TSHZ3: variants seen among roughly 807,000 people sequenced by gnomAD.
TSHZ3 encodes the protein teashirt zinc finger homeobox 3.
Under a neutral mutation model 64.5 loss-of-function variants are expected in TSHZ3, and 10 were observed. The ratio of observed to expected loss-of-function variants is 0.16; its 90% confidence interval spans 0.10 to 0.26. The LOEUF (loss-of-function observed/expected upper bound fraction) is 0.26, where lower values mean the gene tolerates loss of function less well. Ranked by LOEUF, TSHZ3 falls within the 10% of genes least tolerant of loss-of-function variation. The probability of loss-of-function intolerance (pLI) is 1.00; values close to 1 mark genes in which losing one functional copy is unlikely to be tolerated. For synonymous variants in TSHZ3, 608 were observed against 593.1 expected, an observed-to-expected ratio of 1.03 and a Z score of -0.36; for missense variants, 1,242 against 1,421.7, an observed-to-expected ratio of 0.87 and a Z score of 2.03.
At chr19:31,244,112 G>A (rs1248903639) in intron 1 of TSHZ3, among the ~76,000 whole-genome samples, 6 of 152,144 alleles carry the variant, frequency 3.9e-5, no homozygotes, top group African/African-American at 1.4e-4. Context: ...CAATGACAGT[G>A]TATGATATAA....
chr19:31,344,887 G>A (rs547409324), intron 1 of TSHZ3, among the ~76,000 whole-genome samples: 2 of 152,294 alleles, frequency 1.3e-5, no homozygotes, highest in African/African-American at 4.8e-5. Context: ...GGCAATTTAG[G>A]GAATCGCTGC....
chr19:31,259,776 G>A (rs551069937), intron 1 of TSHZ3, among the ~76,000 whole-genome samples: 1 of 152,202 alleles, frequency 6.6e-6, no homozygotes, highest in African/African-American at 2.4e-5. Context: ...GAAGAGGAGA[G>A]AATGGTGGTT....
chr19:31,274,729 T>C (rs899483298), downstream of TSHZ3, among the ~76,000 whole-genome samples: 1 of 151,940 alleles, frequency 6.6e-6, no homozygotes, highest in African/African-American at 2.4e-5. Context: ...TTATTCTCGG[T>C]GCAGATCCTA....
chr19:31,254,189 C>A (rs1975878151), intron 1 of TSHZ3, among the ~76,000 whole-genome samples: 1 of 152,150 alleles, frequency 6.6e-6, no homozygotes, highest in East Asian at 1.9e-4. Flanking sequence ...CTGGCAAATA[C>A]CCTGTGGTCT....
intron 5 of TSHZ3, among the ~76,000 whole-genome samples, chr19:31,166,697 T>C (rs1416022849): frequency 6.6e-6 from 1 of 152,128 alleles, no homozygotes; most frequent in Non-Finnish European, 1.5e-5. Flanking sequence ...TGGGATGAAA[T>C]GTCCATCTTC....
At chr19:31,343,459 A>G (rs1181098031) in intron 1 of TSHZ3, among the ~76,000 whole-genome samples, 1 of 152,190 alleles carries the variant, frequency 6.6e-6, no homozygotes, top group Non-Finnish European at 1.5e-5. Context: ...TGCTGATCAA[A>G]CTAAGTGCAT....
chr19:31,164,292 C>T (rs949488479), intron 5 of TSHZ3, among the ~76,000 whole-genome samples: 16 of 152,228 alleles, frequency 1.1e-4, no homozygotes, highest in Admixed American at 2.0e-4. Context: ...ATTCTGGGGA[C>T]GCGCTGTTGA....
chr19:31,214,801 G>A (rs934848611), intron 4 of TSHZ3, among the ~76,000 whole-genome samples: 1 of 151,704 alleles, frequency 6.6e-6, no homozygotes, highest in Non-Finnish European at 1.5e-5. Context: ...CCAGCTACTC[G>A]GGAGGCTGAG....
chr19:31,284,866 C>CGAATGAATGAAT (rs1023265824), intron 1 of TSHZ3, among the ~76,000 whole-genome samples: 6 of 152,052 alleles, frequency 3.9e-5, no homozygotes, highest in African/African-American at 1.4e-4. Context: ...GTCAATGGGA[C>CGAATGAATGAAT]GAATGAATGA....
rs377350153 is a variant in TSHZ3, at chr19:31,291,823, C to A, written c.41-12071G>T. On this transcript the variant is annotated intron_variant, in intron 1 of 1. Transcript: ENST00000240587. ...GAGGAGTGCTTCACTGCTGAAATCA[C>A]CTTAATCCATTTAAGCTACAGGGCA... Among the ~76,000 whole-genome samples the A allele has an allele frequency of 2.6e-4, 39 of 152,314 alleles. No homozygotes were observed. The East Asian group carries it at 4.8e-3, about 19-fold the overall frequency.
intron 1 of TSHZ3, among the ~76,000 whole-genome samples, chr19:31,335,258 C>A (rs746971888): frequency 2.0e-5 from 3 of 152,240 alleles, no homozygotes; most frequent in Non-Finnish European, 2.9e-5. Flanking sequence ...CGTTGGCTGA[C>A]ATTAAGCAAA....
intron 5 of TSHZ3, among the ~76,000 whole-genome samples, chr19:31,197,873 GA>G (rs201566748): frequency 2.2e-4 from 33 of 152,012 alleles, no homozygotes; most frequent in African/African-American, 7.5e-4. Flanking sequence ...AAATATTTAA[GA>G]GAAAAATAAT....
chr19:31,268,659 G>A (rs552894107), intron 1 of TSHZ3, among the ~76,000 whole-genome samples: 2 of 152,282 alleles, frequency 1.3e-5, no homozygotes, highest in South Asian at 4.1e-4. Context: ...CAAAAAGAAA[G>A]TAGTGAGGTG....
At chr19:31,256,575 A>C (rs2145195476) in intron 1 of TSHZ3, among the ~76,000 whole-genome samples, 1 of 152,292 alleles carries the variant, frequency 6.6e-6, no homozygotes, top group East Asian at 1.9e-4. Flanking sequence ...ACATGTACAG[A>C]GTATGTTCAT....
intron 3 of TSHZ3, among the ~76,000 whole-genome samples, chr19:31,228,612 T>C (rs750116195): frequency 1.3e-5 from 2 of 152,118 alleles, no homozygotes; most frequent in Non-Finnish European, 2.9e-5. Context: ...ATTTGCTTTA[T>C]TGTGTTTCAA....
chr19:31,238,208 G>A (rs1282376244), intron 3 of TSHZ3, among the ~76,000 whole-genome samples: 13 of 150,518 alleles, frequency 8.6e-5, no homozygotes. Context: ...CTATCATTGT[G>A]GCTTTGTCCA....
intron 1 of TSHZ3, among the ~76,000 whole-genome samples, chr19:31,332,726 C>T (rs968641192): frequency 5.3e-5 from 8 of 152,042 alleles, no homozygotes; most frequent in African/African-American, 1.9e-4. Flanking sequence ...AGAGAAAAAG[C>T]CATATTGGGT....
chr19:31,233,585 A>T (rs1318493326), intron 3 of TSHZ3, among the ~76,000 whole-genome samples: 2 of 152,098 alleles, frequency 1.3e-5, no homozygotes, highest in Non-Finnish European at 2.9e-5. Flanking sequence ...AGCAATTTTA[A>T]TTTGATGATG....
chr19:31,296,493 C>T (rs1976664675), intron 1 of TSHZ3, among the ~76,000 whole-genome samples: 1 of 151,972 alleles, frequency 6.6e-6, no homozygotes, highest in Non-Finnish European at 1.5e-5. Flanking sequence ...CGCCACCATG[C>T]CTGGCTAATT....
Sources: allele counts gnomAD v4.1 joint callset (sites outside exome capture counted in the v4.1 genomes callset), GRCh38; gene constraint gnomAD v4.1.1; transcripts MANE v1.5; gene names NCBI Gene and HGNC (gene_info 2026-07-23, HGNC 2026-07-21).